Variants in FMN1 observed in about 807,000 individuals in gnomAD.
FMN1 encodes the protein formin 1, also known as formin-1.
Under a neutral mutation model 132.4 loss-of-function variants are expected in FMN1, and 110 were observed. The observed-to-expected ratio is 0.83, with a 90% CI of 0.71 to 0.97. The LOEUF (loss-of-function observed/expected upper bound fraction) is 0.97, where lower values mean the gene tolerates loss of function less well. Ranked by LOEUF, FMN1 falls within the 50% of genes least tolerant of loss-of-function variation. FMN1 has a pLI of 0.00. For missense variants in FMN1, 1,792 were observed against 1,705.3 expected, an observed-to-expected ratio of 1.05 and a Z score of -0.90; for synonymous variants, 722 against 651.7, an observed-to-expected ratio of 1.11 and a Z score of -1.64.
chr15:33,066,231 G>A (rs7172970), intron 5 of FMN1, among the ~76,000 whole-genome samples: 5,425 of 152,236 alleles, frequency 0.036, 335 homozygotes, highest in African/African-American at 0.12. Flanking sequence ...TTATAAGTGC[G>A]TTTACCATCA....
intron 5 of FMN1, chr15:33,066,484 T>A: frequency 1.4e-5 from 20 of 1,464,398 alleles, no homozygotes; most frequent in Non-Finnish European, 1.8e-5. Context: ...TATTTTATGT[T>A]AAAATGCAAA....
At chr15:33,086,733 A>G (rs1595441685) in intron 5 of FMN1, among the ~76,000 whole-genome samples, 1 of 152,346 alleles carries the variant, frequency 6.6e-6, no homozygotes, top group Non-Finnish European at 1.5e-5. Context: ...AAAGACGCAC[A>G]ACTTTATATA....
At chr15:32,963,521 A>C (rs1190888402) in intron 9 of FMN1, among the ~76,000 whole-genome samples, 2 of 152,182 alleles carry the variant, frequency 1.3e-5, no homozygotes, top group Admixed American at 1.3e-4. Context: ...AGAAAAAAAA[A>C]AGAAGGTGGT....
intron 17 of FMN1, among the ~76,000 whole-genome samples, chr15:32,822,898 T>G (rs1206709724): frequency 1.3e-5 from 2 of 152,174 alleles, no homozygotes; most frequent in Non-Finnish European, 2.9e-5. Context: ...TTCTCCTGTT[T>G]GTTGAGTTTC....
intron 6 of FMN1, among the ~76,000 whole-genome samples, chr15:33,059,828 C>G (rs1385213605): frequency 6.6e-6 from 1 of 152,198 alleles, no homozygotes; most frequent in African/African-American, 2.4e-5. Flanking sequence ...TCTCTTGCTT[C>G]TACTCTCCTG....
intron 19 of FMN1, among the ~76,000 whole-genome samples, chr15:32,777,532 C>CGT (rs1555451144): frequency 1.9e-5 from 2 of 103,298 alleles, no homozygotes; most frequent in Non-Finnish European, 4.0e-5. Flanking sequence ...TTACGTATAA[C>CGT]ATAACATTTA....
intron 5 of FMN1, chr15:33,067,159 G>A (rs1232423162): frequency 5.0e-6 from 8 of 1,613,912 alleles, no homozygotes; most frequent in Non-Finnish European, 6.8e-6. Context: ...CTGCAGGTAG[G>A]TCTTGGGACC....
chr15:33,106,872 G>A (rs1348621575), intron 4 of FMN1, among the ~76,000 whole-genome samples: 2 of 151,998 alleles, frequency 1.3e-5, no homozygotes, highest in Admixed American at 6.6e-5. Context: ...GATATGTGCA[G>A]AATCTTCTCT....
chr15:33,154,057 G>T lies in FMN1; in HGVS notation c.858C>A (p.Ser286Arg). The T allele has an allele frequency of 2.0e-6, 3 of 1,535,836 alleles. No homozygotes were observed. The highest frequency in any genetic ancestry group is 2.4e-5 in the East Asian group (1 of 40,864). ...AGGDGIRRPP[S>R]GLEHQQTGLS... ...AACCTGTTTGCTGATGCTCCAGCCC[G>T]CTCGGCGGCCTCCGAATGCCATCCC... is the stretch of plus-strand genomic sequence containing the variant. The change falls in exon 4 of 21, where the codon AGC (serine) becomes AGA (arginine). Residue 286 changes from serine (S) to arginine (R), a missense_variant. Transcript: ENST00000616417.
chr15:33,127,425 T>C (rs1341015816), intron 4 of FMN1, among the ~76,000 whole-genome samples: 3 of 152,226 alleles, frequency 2.0e-5, no homozygotes, highest in Non-Finnish European at 2.9e-5. Flanking sequence ...AACTATTTCC[T>C]TGAGTTAATG....
intron 17 of FMN1, among the ~76,000 whole-genome samples, chr15:32,817,748 A>T (rs2058096481): frequency 6.6e-6 from 1 of 152,222 alleles, no homozygotes; most frequent in Non-Finnish European, 1.5e-5. Context: ...CACTGCTTCT[A>T]AGTCAAGGTG....
At chr15:33,171,658 T>TA (rs1202395538) in intron 3 of FMN1, among the ~76,000 whole-genome samples, 54 of 152,198 alleles carry the variant, frequency 3.5e-4, no homozygotes, top group South Asian at 1.0e-3. Flanking sequence ...TTTTAAATCT[T>TA]AATGTTGGGA....
At chr15:32,957,530 G>A (rs555379354) in intron 9 of FMN1, among the ~76,000 whole-genome samples, 25 of 151,966 alleles carry the variant, frequency 1.6e-4, no homozygotes, top group African/African-American at 6.0e-4. Context: ...TATCACTAAC[G>A]GAAGTTGTGG....
At chr15:33,006,074 A>G (rs1173838814) in intron 7 of FMN1, among the ~76,000 whole-genome samples, 3 of 152,200 alleles carry the variant, frequency 2.0e-5, no homozygotes, top group Non-Finnish European at 4.4e-5. Flanking sequence ...CATAACATAT[A>G]ATCCAATACA....
chr15:33,031,793 G>T (rs1277580844), intron 6 of FMN1, among the ~76,000 whole-genome samples: 1 of 152,184 alleles, frequency 6.6e-6, no homozygotes, highest in East Asian at 1.9e-4. Context: ...TGTGGTAACA[G>T]ATGTCACAGA....
chr15:32,901,046 T>C (rs1025307028), intron 13 of FMN1, among the ~76,000 whole-genome samples: 4 of 151,878 alleles, frequency 2.6e-5, no homozygotes, highest in African/African-American at 9.7e-5. Flanking sequence ...CCCAGCTACC[T>C]GGGAGGCTGA....
intron 10 of FMN1, among the ~76,000 whole-genome samples, chr15:32,921,520 G>C (rs2140324164): frequency 6.6e-6 from 1 of 152,208 alleles, no homozygotes; most frequent in East Asian, 1.9e-4. Flanking sequence ...GCCCTTCTTA[G>C]ATTTCTTGTC....
intron 9 of FMN1, among the ~76,000 whole-genome samples, chr15:32,955,078 AAACTCCAG>A (rs2061734171): frequency 1.3e-5 from 2 of 152,224 alleles, no homozygotes; most frequent in Admixed American, 6.5e-5. Context: ...CAACCCCTCT[AAACTCCAG>A]TTTTCTCATG....
chr15:33,019,429 T>G (rs1475914892), intron 6 of FMN1, among the ~76,000 whole-genome samples: 2 of 152,206 alleles, frequency 1.3e-5, no homozygotes, highest in Non-Finnish European at 2.9e-5. Context: ...CTTCACCCAG[T>G]GGATCCTGCA....
Sources: allele counts gnomAD v4.1 joint callset (sites outside exome capture counted in the v4.1 genomes callset), GRCh38; gene constraint gnomAD v4.1.1; transcripts MANE v1.5; gene names NCBI Gene and HGNC (gene_info 2026-07-23, HGNC 2026-07-21).